The following NTRK2 variants were observed in gnomAD, a reference collection of about 807,000 sequenced individuals.
The protein encoded by NTRK2 is BDNF/NT-3 growth factors receptor.
NTRK2 carries 13 observed loss-of-function variants against 94.5 expected under a neutral mutation model. The observed-to-expected ratio is 0.14, with a 90% CI of 0.09 to 0.22. The LOEUF is 0.22. NTRK2 is among the 10% of genes least tolerant of loss of function. NTRK2 has a pLI of 1.00. For missense variants in NTRK2, 639 were observed against 1,071.2 expected (o/e 0.60, Z 5.63); for synonymous variants, 372 against 407.4 (o/e 0.91, Z 1.05).
chr9:84,954,374 A>T (rs1242660336), intron 16 of NTRK2, among the ~76,000 whole-genome samples: 1 of 152,226 alleles, frequency 6.6e-6, no homozygotes, highest in Non-Finnish European at 1.5e-5. Context: ...CCACCCTTGC[A>T]GGACTTGCGT....
chr9:84,763,674 G>A (rs975203705), intron 12 of NTRK2, among the ~76,000 whole-genome samples: 3 of 152,016 alleles, frequency 2.0e-5, no homozygotes, highest in African/African-American at 4.8e-5. Flanking sequence ...TAAAACCACA[G>A]CCACAATACC....
chr9:84,888,982 A>ATTTTTTTTTTTT (rs71369159), intron 14 of NTRK2, among the ~76,000 whole-genome samples: 2,301 of 101,580 alleles, frequency 0.023, 574 homozygotes, highest in Non-Finnish European at 0.03. Context: ...AATGACAGAA[A>ATTTTTTTTTTTT]TTTTTTTTTT....
At chr9:84,815,694 G>A (rs201804943) in intron 12 of NTRK2, 1 of 1,009,406 alleles carries the variant, frequency 9.9e-7, no homozygotes, top group Non-Finnish European at 1.2e-6. Flanking sequence ...AATAAAGTTT[G>A]ATAATTCATC....
chr9:84,965,307 G>A (rs369385607), intron 17 of NTRK2, among the ~76,000 whole-genome samples: 8 of 152,328 alleles, frequency 5.3e-5, no homozygotes, highest in African/African-American at 1.7e-4. Flanking sequence ...TCTTAACCAT[G>A]CCTCTTTAAT....
chr9:84,739,533 T>C (rs1435985559), intron 9 of NTRK2, among the ~76,000 whole-genome samples: 2 of 152,212 alleles, frequency 1.3e-5, no homozygotes, highest in Non-Finnish European at 2.9e-5. Context: ...TAAACCTGTA[T>C]GTCATTCATA....
At position 84,855,156 on chromosome 9, in the gene NTRK2, C is replaced by T. The variant is rs76014974; in HGVS notation, c.1397-5884C>T. On this transcript the variant is annotated intron_variant, in intron 12 of 18. Coordinates refer to ENST00000277120, the MANE Select transcript of NTRK2 (RefSeq NM_006180.6). ...GTTTATACTAAATGCAAGGAGAAAC[C>T]GTTGGAGGATGTTAAGCAGGTGAAT... Among the ~76,000 whole-genome samples, 708 of 151,976 alleles carry T rather than the reference C, an allele frequency of 4.7e-3. 13 individuals are homozygous for T. The highest frequency in any genetic ancestry group is 0.038 in the Admixed American group (574 of 15,242).
In NTRK2 at chr9:85,023,729, T is replaced by C; in HGVS notation, c.*2292T>C. Reference sequence around the variant, plus strand: ...TGGTACTCTTAAAACACTGTAGAACTCTGTGACGCAGTAAGGAAGGGGCAG... The same window carrying C: ...TGGTACTCTTAAAACACTGTAGAACCCTGTGACGCAGTAAGGAAGGGGCAG... On this transcript the variant is annotated 3_prime_UTR_variant, in exon 19 of 19. Coordinates refer to ENST00000277120, the MANE Select transcript of NTRK2 (RefSeq NM_006180.6). 4.3e-6 allele frequency: 1 copy of C among 231,754 alleles called. No homozygotes were observed. The highest frequency in any genetic ancestry group is 8.5e-6 in the Non-Finnish European group (1 of 117,196). 14.4% of individuals were successfully genotyped at this position (231,754 alleles called of 1,614,324 possible).
At chr9:84,800,262 G>A (rs917423477) in intron 12 of NTRK2, among the ~76,000 whole-genome samples, 3 of 152,082 alleles carry the variant, frequency 2.0e-5, no homozygotes, top group Non-Finnish European at 4.4e-5. Context: ...GAGTGCAATG[G>A]CATGATTTAG....
At chr9:84,938,687 A>G (rs2078292651) in intron 15 of NTRK2, among the ~76,000 whole-genome samples, 1 of 152,170 alleles carries the variant, frequency 6.6e-6, no homozygotes, top group Non-Finnish European at 1.5e-5. Context: ...TGCTTGTTGA[A>G]TGAATGAAGG....
chr9:84,777,981 G>A (rs558523197), intron 12 of NTRK2, among the ~76,000 whole-genome samples: 10 of 152,312 alleles, frequency 6.6e-5, no homozygotes, highest in African/African-American at 2.4e-4. Flanking sequence ...AAGCTTTCCT[G>A]TCTGGTGCAG....
chr9:84,692,493 CAG>C (rs1225970818), intron 2 of NTRK2, among the ~76,000 whole-genome samples: 1 of 102,122 alleles, frequency 9.8e-6, no homozygotes, highest in African/African-American at 3.8e-5. Flanking sequence ...TTTTTTGAGA[CAG>C]AGTCTCACTT....
At chr9:84,916,599 G>A (rs1052677974) in intron 14 of NTRK2, among the ~76,000 whole-genome samples, 16 of 152,184 alleles carry the variant, frequency 1.1e-4, no homozygotes, top group African/African-American at 3.6e-4. Context: ...GAGCAGCACA[G>A]TGGACTCCAG....
chr9:84,940,440 A>G (rs2078368834), intron 15 of NTRK2, among the ~76,000 whole-genome samples: 2 of 152,182 alleles, frequency 1.3e-5, no homozygotes, highest in East Asian at 1.9e-4. Flanking sequence ...CTACTCCCTA[A>G]TATTTGCCTG....
At chr9:84,877,644 G>A in intron 14 of NTRK2, 2 of 1,064,790 alleles carry the variant, frequency 1.9e-6, no homozygotes, top group African/African-American at 1.6e-5. Context: ...TCTGTTGATT[G>A]CTAAATGTTG....
intron 9 of NTRK2, among the ~76,000 whole-genome samples, chr9:84,739,187 A>G (rs539841035): frequency 2.0e-5 from 3 of 152,200 alleles, no homozygotes; most frequent in Non-Finnish European, 2.9e-5. Flanking sequence ...AATAGCTGGG[A>G]CTACAGGCAT....
chr9:84,862,054 G>A (rs1201652852), intron 13 of NTRK2, among the ~76,000 whole-genome samples: 3 of 152,258 alleles, frequency 2.0e-5, no homozygotes, highest in Non-Finnish European at 4.4e-5. Context: ...ATGACCAGCC[G>A]GCTGAGGCAG....
intron 14 of NTRK2, chr9:84,872,140 T>G: frequency 1.6e-6 from 2 of 1,264,298 alleles, no homozygotes; most frequent in East Asian, 6.7e-5. Flanking sequence ...AACTAGCTCG[T>G]TTAGACGTGT....
At chr9:84,745,861 G>A (rs2064022349) in intron 11 of NTRK2, among the ~76,000 whole-genome samples, 1 of 152,118 alleles carries the variant, frequency 6.6e-6, no homozygotes, top group Non-Finnish European at 1.5e-5. Flanking sequence ...TCTCAGGTGT[G>A]TAGATTTATG....
intron 17 of NTRK2, among the ~76,000 whole-genome samples, chr9:85,013,965 A>G (rs12376615): frequency 0.22 from 34,167 of 152,130 alleles, 4,600 homozygotes; most frequent in African/African-American, 0.35. Flanking sequence ...ACTCACCTCT[A>G]AATCACTAGC....
Sources: allele counts gnomAD v4.1 joint callset (sites outside exome capture counted in the v4.1 genomes callset), GRCh38; gene constraint gnomAD v4.1.1; transcripts MANE v1.5; gene names NCBI Gene and HGNC (gene_info 2026-07-23, HGNC 2026-07-21).